Variants in UBQLN1 observed in about 807,000 individuals in gnomAD.
UBQLN1 encodes the protein ubiquilin-1.
Under a neutral mutation model 65.4 loss-of-function variants are expected in UBQLN1, and 13 were observed. That is an observed-to-expected ratio of 0.20 (90% confidence interval 0.13 to 0.32). The LOEUF (loss-of-function observed/expected upper bound fraction) is 0.32, where lower values mean the gene tolerates loss of function less well. UBQLN1 is among the 10% of genes least tolerant of loss of function. UBQLN1 has a pLI of 1.00. For missense variants in UBQLN1, 561 were observed against 724.0 expected (o/e 0.77, Z 2.58); for synonymous variants, 267 against 247.8 (o/e 1.08, Z -0.73).
At position 83,704,040 on chromosome 9, in the gene UBQLN1, T is replaced by C. The variant is rs775190340; in HGVS notation, c.180+3460A>G. On this transcript the variant is annotated intron_variant, in intron 1 of 10. Transcript: ENST00000376395. Reference sequence around the variant, plus strand: ...ACTTATTGAAAGAAATTTTAACTTATAGAAAACGGAATTTGTCTGATACAG... The same window carrying C: ...ACTTATTGAAAGAAATTTTAACTTACAGAAAACGGAATTTGTCTGATACAG... 6.6e-5 allele frequency among the ~76,000 whole-genome samples: 10 copies of C among 152,218 alleles called. No homozygotes were observed. In the East Asian group the frequency reaches 1.3e-3, roughly 20 times the overall value.
At chr9:83,668,107 A>T in intron 7 of UBQLN1, 2 of 985,432 alleles carry the variant, frequency 2.0e-6, no homozygotes, top group Non-Finnish European at 2.4e-6. Flanking sequence ...ACTCAGTCTG[A>T]TAAGTTTCAT....
In UBQLN1 at chr9:83,667,439, G is replaced by A. The variant is rs1587638504; in HGVS notation, c.1249-1006C>T. On this transcript the variant is annotated intron_variant, in intron 7 of 10. Coordinates refer to ENST00000376395, the MANE Select transcript of UBQLN1 (RefSeq NM_013438.5). The stretch of plus-strand genomic sequence containing the variant: ...ATGTAAATGCTGGTAGAGAAAATTC[G>A]CCCCAATTCTTGCAAAGTGATCTTT... The A allele has an allele frequency of 1.2e-5, 11 of 946,886 alleles. No individual in the cohort carries two copies. The South Asian group carries it at 1.5e-4, about 13-fold the overall frequency. The allele number at this position is 946,886 out of a possible 1,614,324, so 58.7% of individuals were successfully genotyped here. A position where few individuals can be genotyped will look rare whatever the true frequency, so the allele number is the denominator to read the frequency against.
intron 7 of UBQLN1, chr9:83,668,827 G>A (rs923278319): frequency 3.5e-5 from 8 of 227,030 alleles, no homozygotes; most frequent in African/African-American, 4.7e-5. Flanking sequence ...TATTTCAAAT[G>A]TATTAACATT....
At chr9:83,691,707 G>A (rs866486443) in intron 1 of UBQLN1, among the ~76,000 whole-genome samples, 1 of 152,198 alleles carries the variant, frequency 6.6e-6, no homozygotes, top group Non-Finnish European at 1.5e-5. Context: ...TGACAGACAC[G>A]TGAGAAATCA....
chr9:83,661,332 TCAG>T lies in UBQLN1; in HGVS notation c.*452_*454del, dbSNP rs1831558200. 6.2e-6 allele frequency: 1 copy of T among 160,924 alleles called. No homozygotes were observed. Among genetic ancestry groups the T allele is most frequent in the Admixed American group, 6.5e-5 (1 of 15,340 alleles). The allele number at this position is 160,924 out of a possible 1,614,324, so 10.0% of individuals were successfully genotyped here. ...ATTGTATACAAATAAAACAAAATTA[TCAG>T]TAGTATAAATCTTACAGCATTGTTT... On this transcript the variant is annotated 3_prime_UTR_variant, in exon 11 of 11. Coordinates refer to ENST00000376395, the MANE Select transcript of UBQLN1 (RefSeq NM_013438.5).
intron 9 of UBQLN1, among the ~76,000 whole-genome samples, chr9:83,664,374 G>C (rs536840495): frequency 6.6e-6 from 1 of 152,080 alleles, no homozygotes; most frequent in Non-Finnish European, 1.5e-5. Flanking sequence ...AGCTGAGATC[G>C]CGCCACTGCA....
At chr9:83,703,525 C>CAA (rs138588326) in intron 1 of UBQLN1, among the ~76,000 whole-genome samples, 1 of 150,072 alleles carries the variant, frequency 6.7e-6, no homozygotes, top group African/African-American at 2.4e-5. Flanking sequence ...TTCCAAAATC[C>CAA]AAAAAAAAAG....
intron 9 of UBQLN1, 131 bp downstream of exon 9, chr9:83,664,899 G>T: frequency 1.7e-6 from 1 of 604,716 alleles, no homozygotes; most frequent in Non-Finnish European, 2.6e-6. Flanking sequence ...TAGCCTAGGC[G>T]AAGGGCGAGA....
At chr9:83,687,437 C>G (rs1283913721) in intron 1 of UBQLN1, among the ~76,000 whole-genome samples, 2 of 152,184 alleles carry the variant, frequency 1.3e-5, no homozygotes, top group African/African-American at 4.8e-5. Flanking sequence ...CTCAAGAAAT[C>G]AGTCCAAATT....
Position 83,686,325 on chromosome 9 carries a change from G to C in UBQLN1, c.181-170C>G, listed in dbSNP as rs3763626. Among the ~76,000 whole-genome samples, 1,271 of 152,182 alleles carry C rather than the reference G, an allele frequency of 8.4e-3. 37 individuals carry two copies. Among genetic ancestry groups the C allele is most frequent in the East Asian group, 0.046 (238 of 5,182 alleles). On this transcript the variant is annotated intron_variant, in intron 1 of 10. Transcript: ENST00000376395. The stretch of plus-strand genomic sequence containing the variant: ...GAGGACTGCCTGAGTCCAGGAGTTC[G>C]AGGCTGCAGTGAGCTATTATCACAC...
Position 83,680,741 on chromosome 9 carries a change from T to TC in UBQLN1, c.449-705dup, listed in dbSNP as rs764292111. The stretch of plus-strand genomic sequence containing the variant: ...TAATAAACAGGTAAACATAAGTGTT[T>TC]CCTTGAGTTCTAGGTGCCATTCTAG... On this transcript the variant is annotated intron_variant, in intron 3 of 10. Coordinates refer to ENST00000376395, the MANE Select transcript of UBQLN1 (RefSeq NM_013438.5). Among the ~76,000 whole-genome samples the TC allele has an allele frequency of 1.5e-4, 23 of 152,200 alleles. 1 individual carries two copies. Among genetic ancestry groups the TC allele is most frequent in the Admixed American group, 2.6e-4 (4 of 15,282 alleles).
chr9:83,677,625 C>T (rs1831857959), intron 6 of UBQLN1, 102 bp downstream of exon 6: 1 of 812,530 alleles, frequency 1.2e-6, no homozygotes, highest in Non-Finnish European at 1.9e-6. Flanking sequence ...AAGATACTCA[C>T]TATACATACA....
At chr9:83,666,592 G>C (rs1831647664) in intron 7 of UBQLN1, 159 bp from the exon 8 acceptor site, 1 of 594,796 alleles carries the variant, frequency 1.7e-6, no homozygotes, top group African/African-American at 1.8e-5. Context: ...CTGTCCACAA[G>C]AGGGATCTCC....
In UBQLN1 at chr9:83,677,847, A is replaced by T; in HGVS notation, c.985T>A (p.Ser329Thr). ...CCGCTGGAAGCTGATGAACTCTGGG[A>T]AGTCTGTGGAGCCCATGGATTGGGT... ...PLPNPWAPQT[S>T]QSSSASSGTA... Residue 329 changes from serine to threonine, a missense_variant, in exon 6 of 11, where the codon TCC (serine) becomes ACC (threonine). By Grantham distance (58) the Ser-to-Thr change is moderately conservative. Around this residue, in one of 8 missense-constraint regions of UBQLN1, gnomAD observed 89 missense variants for 77.8 expected, o/e 1.14. Coordinates refer to ENST00000376395, the MANE Select transcript of UBQLN1 (RefSeq NM_013438.5). 6.2e-7 allele frequency: 1 copy of T among 1,614,138 alleles called. No individual in the cohort carries two copies. The highest frequency in any genetic ancestry group is 8.5e-7 in the Non-Finnish European group (1 of 1,180,034).
chr9:83,694,616 G>A (rs866972774), intron 1 of UBQLN1, among the ~76,000 whole-genome samples: 5 of 152,276 alleles, frequency 3.3e-5, no homozygotes, highest in African/African-American at 1.2e-4. Context: ...TTATTTTTTA[G>A]ATTCTCTCTA....
At chr9:83,690,875 C>T (rs934908285) in intron 1 of UBQLN1, among the ~76,000 whole-genome samples, 2 of 152,142 alleles carry the variant, frequency 1.3e-5, no homozygotes, top group African/African-American at 2.4e-5. Context: ...CAGTGGCTCA[C>T]GCTTGTAATC....
chr9:83,684,067 CCCCTT>C (rs1260594783), intron 2 of UBQLN1, among the ~76,000 whole-genome samples: 1 of 152,088 alleles, frequency 6.6e-6, no homozygotes. Context: ...TTTTATCTAT[CCCCTT>C]CTAGTTCTTG....
At chr9:83,673,241 A>C (rs1192450257) in intron 6 of UBQLN1, among the ~76,000 whole-genome samples, 1 of 151,524 alleles carries the variant, frequency 6.6e-6, no homozygotes, top group African/African-American at 2.4e-5. Context: ...CAAACCAAAA[A>C]ACCAAAACAA....
chr9:83,688,504 T>C (rs1034814447), intron 1 of UBQLN1, among the ~76,000 whole-genome samples: 5 of 152,184 alleles, frequency 3.3e-5, no homozygotes, highest in African/African-American at 1.2e-4. Context: ...GTGACTTAAT[T>C]ACTGAACATA....
Sources: allele counts gnomAD v4.1 joint callset (sites outside exome capture counted in the v4.1 genomes callset), GRCh38; gene constraint gnomAD v4.1.1; regional missense constraint gnomAD v4.1.1; transcripts MANE v1.5; gene names NCBI Gene and HGNC (gene_info 2026-07-23, HGNC 2026-07-21).